The following XKR4 variants were observed in gnomAD, a reference collection of about 807,000 sequenced individuals.
XKR4 encodes the protein XK related 4, also known as XK-related protein 4.
In XKR4, 12 loss-of-function variants were observed where a neutral mutation model predicts 53.9. That is an observed-to-expected ratio of 0.22 (90% CI 0.14 to 0.36). The LOEUF (loss-of-function observed/expected upper bound fraction) is 0.36. Among genes scored for constraint, XKR4 ranks in the 10% least tolerant of loss-of-function variants. The probability of loss-of-function intolerance (pLI) is 1.00; values close to 1 mark genes in which losing one functional copy is unlikely to be tolerated. For missense variants in XKR4, 799 were observed against 859.5 expected (o/e 0.93, Z 0.88); for synonymous variants, 354 against 362.4 (o/e 0.98, Z 0.26).
At position 55,412,672 on chromosome 8, in the gene XKR4, T is replaced by G. The variant is rs530058943; in HGVS notation, c.1006+54795T>G. Among the ~76,000 whole-genome samples the G allele has an allele frequency of 8.5e-5, 13 of 152,354 alleles. No homozygotes were observed. In the East Asian group the frequency reaches 2.5e-3, roughly 29 times the overall value. ...AAACAAAAAGTCCTTGAATACCTTC[T>G]TGCTAGTCAGCCTGATTCAAATAGG... is the stretch of plus-strand genomic sequence containing the variant. On this transcript the variant is annotated intron_variant, in intron 2 of 2. Transcript: ENST00000327381.
intron 1 of XKR4, among the ~76,000 whole-genome samples, chr8:55,317,132 A>G (rs528667979): frequency 6.6e-6 from 1 of 152,134 alleles, no homozygotes; most frequent in South Asian, 2.1e-4. Context: ...ACAGACTAGG[A>G]AAAAAAACAA....
chr8:55,425,482 C>T (rs1804998692), intron 2 of XKR4, among the ~76,000 whole-genome samples: 1 of 152,204 alleles, frequency 6.6e-6, no homozygotes, highest in African/African-American at 2.4e-5. Flanking sequence ...GATCTCCAGC[C>T]TTGATCCTTC....
intron 2 of XKR4, among the ~76,000 whole-genome samples, chr8:55,484,254 T>G (rs934872708): frequency 9.2e-5 from 14 of 152,188 alleles, no homozygotes; most frequent in Non-Finnish European, 1.8e-4. Flanking sequence ...ACCAAATGTT[T>G]AAATAATTAA....
chr8:55,180,090 C>G lies in XKR4; in HGVS notation c.806+76796C>G, dbSNP rs1017015858. Among the ~76,000 whole-genome samples, 4 of 152,012 alleles carry G rather than the reference C, an allele frequency of 2.6e-5. No homozygotes were observed. The East Asian group carries it at 7.7e-4, about 29-fold the overall frequency. ...TGATGTCAACACATGGATTATAAACCCTTCTATTTGAATTAAATACTGGTT... is the reference window on the plus strand; with the variant it reads ...TGATGTCAACACATGGATTATAAACGCTTCTATTTGAATTAAATACTGGTT... On this transcript the variant is annotated intron_variant, in intron 1 of 2. Transcript: ENST00000327381.
chr8:55,154,989 G>C (rs1416119940), intron 1 of XKR4, among the ~76,000 whole-genome samples: 1 of 152,128 alleles, frequency 6.6e-6, no homozygotes, highest in Non-Finnish European at 1.5e-5. Context: ...GGCAGAATGG[G>C]CACATGGGTC....
intron 1 of XKR4, among the ~76,000 whole-genome samples, chr8:55,286,603 G>A (rs190622310): frequency 1.3e-5 from 2 of 152,290 alleles, no homozygotes; most frequent in East Asian, 3.9e-4. Context: ...GGCTGTTGGA[G>A]GTCCCAGGGC....
chr8:55,126,455 C>T (rs538848333), intron 1 of XKR4, among the ~76,000 whole-genome samples: 1 of 152,320 alleles, frequency 6.6e-6, no homozygotes, highest in Admixed American at 6.5e-5. Context: ...TGCAATCCCT[C>T]CAGAAATTCT....
intron 2 of XKR4, among the ~76,000 whole-genome samples, chr8:55,480,969 C>T (rs1806092312): frequency 6.6e-6 from 1 of 152,148 alleles, no homozygotes; most frequent in Non-Finnish European, 1.5e-5. Flanking sequence ...AATGGACATA[C>T]TGCACAAGGT....
At chr8:55,302,353 A>C (rs1249517707) in intron 1 of XKR4, among the ~76,000 whole-genome samples, 1 of 151,118 alleles carries the variant, frequency 6.6e-6, no homozygotes, top group Non-Finnish European at 1.5e-5. Context: ...CCATTGATCT[A>C]TATCTCTGTT....
intron 1 of XKR4, among the ~76,000 whole-genome samples, chr8:55,325,598 C>T (rs1803280851): frequency 2.0e-5 from 3 of 152,094 alleles, no homozygotes; most frequent in African/African-American, 7.2e-5. Flanking sequence ...GCTTTGAAGA[C>T]TTCTAAGAAA....
chr8:55,255,090 G>A (rs1724020010), intron 1 of XKR4, among the ~76,000 whole-genome samples: 1 of 152,140 alleles, frequency 6.6e-6, no homozygotes, highest in Admixed American at 6.5e-5. Flanking sequence ...GAGTATCAGT[G>A]CAAAATTTCC....
intron 2 of XKR4, among the ~76,000 whole-genome samples, chr8:55,391,526 G>A (rs1037187057): frequency 6.6e-6 from 1 of 152,072 alleles, no homozygotes; most frequent in African/African-American, 2.4e-5. Context: ...AATATGTATG[G>A]TATATATCCT....
chr8:55,281,875 A>AT (rs149844002), intron 1 of XKR4, among the ~76,000 whole-genome samples: 4,431 of 152,324 alleles, frequency 0.029, 224 homozygotes, highest in African/African-American at 0.098. Flanking sequence ...ACAATTCTGA[A>AT]TTGCTCTTTC....
At position 55,490,373 on chromosome 8, in the gene XKR4, G is replaced by T. The variant is rs538118316; in HGVS notation, c.1007-32908G>T. The stretch of plus-strand genomic sequence containing the variant: ...CAAATGTTCTTACTTAAAAGTAGGA[G>T]TTAAACAATGGGTGCTCATGGACAT... On this transcript the variant is annotated intron_variant, in intron 2 of 2. Transcript: ENST00000327381. 2.6e-5 allele frequency among the ~76,000 whole-genome samples: 4 copies of T among 152,288 alleles called. No individual in the cohort carries two copies. The East Asian group carries it at 7.7e-4, about 29-fold the overall frequency.
intron 2 of XKR4, among the ~76,000 whole-genome samples, chr8:55,484,845 A>C (rs1806169007): frequency 6.6e-6 from 1 of 152,188 alleles, no homozygotes; most frequent in Admixed American, 6.5e-5. Context: ...TCCTGTCTTC[A>C]GACTTGGACT....
At chr8:55,333,888 G>C (rs377720813) in intron 1 of XKR4, among the ~76,000 whole-genome samples, 11 of 152,206 alleles carry the variant, frequency 7.2e-5, no homozygotes, top group East Asian at 5.8e-4. Flanking sequence ...AAAATGTCAT[G>C]AAATGTTGTA....
chr8:55,311,311 A>T (rs911347146), intron 1 of XKR4, among the ~76,000 whole-genome samples: 3 of 152,172 alleles, frequency 2.0e-5, no homozygotes, highest in Non-Finnish European at 4.4e-5. Flanking sequence ...CTCCCAGGAG[A>T]GGGCCTCAGT....
At chr8:55,293,171 C>T (rs771302275) in intron 1 of XKR4, among the ~76,000 whole-genome samples, 1 of 152,082 alleles carries the variant, frequency 6.6e-6, no homozygotes, top group Non-Finnish European at 1.5e-5. Flanking sequence ...ACCATCTCTA[C>T]TAAAAATACA....
intron 1 of XKR4, among the ~76,000 whole-genome samples, chr8:55,107,789 G>A (rs1346298140): frequency 2.0e-5 from 3 of 152,110 alleles, no homozygotes; most frequent in Admixed American, 1.3e-4. Flanking sequence ...CCTGAATTCT[G>A]ATATAGATTA....
Sources: gnomAD v4.1 joint callset for allele counts (sites outside exome capture counted in the v4.1 genomes callset) on GRCh38, gnomAD v4.1.1 for gene constraint, MANE v1.5 for transcripts, NCBI Gene and HGNC (gene_info 2026-07-23, HGNC 2026-07-21) for gene names.